DAB1: variants seen among roughly 807,000 people sequenced by gnomAD.
The protein encoded by DAB1 is disabled homolog 1.
Under a neutral mutation model 64.6 loss-of-function variants are expected in DAB1, and 15 were observed. The ratio of observed to expected loss-of-function variants is 0.23; its 90% CI spans 0.16 to 0.36. The LOEUF is 0.36. Among genes scored for constraint, DAB1 ranks in the 10% least tolerant of loss-of-function variants. The probability of loss-of-function intolerance (pLI) is 1.00; values close to 1 mark genes in which losing one functional copy is unlikely to be tolerated. For synonymous variants in DAB1, 235 were observed against 251.9 expected (o/e 0.93, Z 0.64); for missense variants, 596 against 706.7 (o/e 0.84, Z 1.78).
intron 4 of DAB1, among the ~76,000 whole-genome samples, chr1:58,315,261 T>A (rs935685372): frequency 6.6e-6 from 1 of 152,160 alleles, no homozygotes; most frequent in Non-Finnish European, 1.5e-5. Context: ...ATACTGGCAG[T>A]AGGACCATGT....
At chr1:57,569,441 C>T (rs1420092848) in intron 7 of DAB1, among the ~76,000 whole-genome samples, 2 of 152,020 alleles carry the variant, frequency 1.3e-5, no homozygotes, top group African/African-American at 4.8e-5. Flanking sequence ...TTTGTAGGGA[C>T]ATGGATGAAG....
chr1:57,013,494 C>A (rs1646327529), intron 12 of DAB1, among the ~76,000 whole-genome samples: 2 of 152,196 alleles, frequency 1.3e-5, no homozygotes, highest in South Asian at 4.1e-4. Context: ...AATAGAGATG[C>A]TGCCACTATG....
At chr1:57,256,013 A>T (rs773155338) in intron 2 of DAB1, among the ~76,000 whole-genome samples, 1 of 152,188 alleles carries the variant, frequency 6.6e-6, no homozygotes, top group Non-Finnish European at 1.5e-5. Flanking sequence ...ATTCCACAAA[A>T]ATCAAGGAAC....
At chr1:57,636,870 G>A (rs948089820) in intron 7 of DAB1, among the ~76,000 whole-genome samples, 3 of 152,156 alleles carry the variant, frequency 2.0e-5, no homozygotes, top group South Asian at 2.1e-4. Flanking sequence ...TAAGTTCAGG[G>A]AAGTGATAGG....
intron 6 of DAB1, among the ~76,000 whole-genome samples, chr1:57,665,847 A>ATT (rs1646440485): frequency 8.4e-6 from 1 of 118,864 alleles, no homozygotes; most frequent in Non-Finnish European, 1.7e-5. Context: ...TTTTTTAATT[A>ATT]TCTGTGTGTG....
intron 1 of DAB1, among the ~76,000 whole-genome samples, chr1:57,345,091 C>A (rs184647793): frequency 6.6e-6 from 1 of 152,132 alleles, no homozygotes; most frequent in Non-Finnish European, 1.5e-5. Flanking sequence ...TGATTATAAT[C>A]ATTATTAATA....
chr1:58,117,085 G>A (rs894010086), intron 5 of DAB1, among the ~76,000 whole-genome samples: 9 of 152,114 alleles, frequency 5.9e-5, no homozygotes, highest in Admixed American at 3.9e-4. Context: ...AATATTAATA[G>A]CTCATATGTT....
At chr1:57,371,577 C>T (rs1394007209) in intron 1 of DAB1, among the ~76,000 whole-genome samples, 1 of 152,154 alleles carries the variant, frequency 6.6e-6, no homozygotes, top group Non-Finnish European at 1.5e-5. Flanking sequence ...TTTACTGGGG[C>T]TCTATGACTT....
chr1:57,314,522 T>C (rs554780100), intron 1 of DAB1, among the ~76,000 whole-genome samples: 6 of 152,080 alleles, frequency 3.9e-5, no homozygotes, highest in Non-Finnish European at 8.8e-5. Context: ...CTGCTTACAT[T>C]AGGGATGTTG....
intron 5 of DAB1, among the ~76,000 whole-genome samples, chr1:57,895,076 A>C (rs1485992713): frequency 1.3e-5 from 2 of 151,982 alleles, no homozygotes; most frequent in Non-Finnish European, 2.9e-5. Context: ...GCCCTTTGAA[A>C]GCTAAAAAAA....
chr1:58,237,518 A>AT (rs902440614), intron 4 of DAB1, among the ~76,000 whole-genome samples: 1 of 151,858 alleles, frequency 6.6e-6, no homozygotes, highest in African/African-American at 2.4e-5. Context: ...CTTGGGGGTC[A>AT]TTTTTTTCTT....
chr1:58,207,648 C>T (rs1658349443), intron 4 of DAB1, among the ~76,000 whole-genome samples: 1 of 152,188 alleles, frequency 6.6e-6, no homozygotes, highest in Non-Finnish European at 1.5e-5. Flanking sequence ...CAGTGCTGGA[C>T]AACCTGAAAT....
chr1:57,120,012 A>G (rs148801726), intron 4 of DAB1, among the ~76,000 whole-genome samples: 4 of 152,158 alleles, frequency 2.6e-5, no homozygotes, highest in African/African-American at 4.8e-5. Context: ...AATCATTTTT[A>G]TTGTCAGATA....
chr1:57,081,146 G>A (rs1166284535), intron 4 of DAB1, among the ~76,000 whole-genome samples: 1 of 152,156 alleles, frequency 6.6e-6, no homozygotes, highest in African/African-American at 2.4e-5. Context: ...ATGGCTTTGT[G>A]GCCATGAACA....
chr1:57,672,462 C>T (rs1000190403), intron 6 of DAB1, among the ~76,000 whole-genome samples: 4 of 152,048 alleles, frequency 2.6e-5, no homozygotes, highest in Non-Finnish European at 5.9e-5. Flanking sequence ...ACAATTTAAA[C>T]CCAGACCTTC....
chr1:57,984,698 G>T (rs1646168791), intron 5 of DAB1, among the ~76,000 whole-genome samples: 1 of 152,324 alleles, frequency 6.6e-6, no homozygotes, highest in East Asian at 1.9e-4. Flanking sequence ...AAAGCATAAA[G>T]GTCAGTTGCT....
intron 1 of DAB1, among the ~76,000 whole-genome samples, chr1:57,326,540 G>A (rs1268582643): frequency 4.6e-5 from 7 of 152,194 alleles, no homozygotes; most frequent in African/African-American, 1.2e-4. Context: ...AGTAGGCTGC[G>A]TCTTTTCAGC....
intron 2 of DAB1, among the ~76,000 whole-genome samples, chr1:57,256,724 T>G (rs1450482551): frequency 6.6e-6 from 1 of 152,220 alleles, no homozygotes; most frequent in Non-Finnish European, 1.5e-5. Flanking sequence ...TATTCTCAAT[T>G]TTCTTCTTCA....
At chr1:57,357,958 T>C (rs572130315) in intron 1 of DAB1, among the ~76,000 whole-genome samples, 2 of 152,026 alleles carry the variant, frequency 1.3e-5, no homozygotes, top group Admixed American at 1.3e-4. Context: ...GCAAACCGTA[T>C]TAGCACGGAA....
Sources: allele counts gnomAD v4.1 joint callset (sites outside exome capture counted in the v4.1 genomes callset), GRCh38; gene constraint gnomAD v4.1.1; transcripts MANE v1.5; gene names NCBI Gene and HGNC (gene_info 2026-07-23, HGNC 2026-07-21).